BAALC: variants seen among roughly 807,000 people sequenced by gnomAD.
BAALC encodes the protein BAALC binder of MAP3K1 and KLF4.
In BAALC, 9 loss-of-function variants were observed where a neutral mutation model predicts 15.5. The observed-to-expected ratio is 0.58, with a 90% CI of 0.35 to 1.02. BAALC has a LOEUF of 1.02. Among genes scored for constraint, BAALC ranks in the 50% least tolerant of loss-of-function variants. BAALC has a pLI of 0.02. For missense variants in BAALC, 201 were observed against 192.4 expected (o/e 1.04, Z -0.27); for synonymous variants, 80 against 74.6 (o/e 1.07, Z -0.37).
chr8:103,181,461 TG>T (rs34764300), intron 1 of BAALC, among the ~76,000 whole-genome samples: 10,936 of 151,928 alleles, frequency 0.072, 449 homozygotes, highest in Middle Eastern at 0.2. Flanking sequence ...TTAGTAGAGA[TG>T]GGGGTTTCAC....
intron 1 of BAALC, among the ~76,000 whole-genome samples, chr8:103,193,345 C>T (rs529367039): frequency 6.6e-6 from 1 of 152,290 alleles, no homozygotes; most frequent in Non-Finnish European, 1.5e-5. Flanking sequence ...ATTTTAGTTC[C>T]TTTAGGAGTC....
At chr8:103,223,272 C>G (rs1812722457) in intron 2 of BAALC, among the ~76,000 whole-genome samples, 1 of 152,194 alleles carries the variant, frequency 6.6e-6, no homozygotes, top group Admixed American at 6.5e-5. Context: ...TGAGCCACTG[C>G]ACTCCAGCCT....
chr8:103,154,920 CTATA>C (rs56402841), intron 1 of BAALC, among the ~76,000 whole-genome samples: 20 of 129,874 alleles, frequency 1.5e-4, no homozygotes, highest in Non-Finnish European at 1.5e-4. Context: ...CTATCTCAAG[CTATA>C]TATATATATA....
chr8:103,170,116 A>T (rs1178723922), intron 1 of BAALC, among the ~76,000 whole-genome samples: 1 of 151,636 alleles, frequency 6.6e-6, no homozygotes, highest in South Asian at 2.1e-4. Flanking sequence ...TCTTTTTCCT[A>T]TGAGTTTATG....
chr8:103,194,508 G>A (rs924516290), intron 1 of BAALC, among the ~76,000 whole-genome samples: 2 of 152,198 alleles, frequency 1.3e-5, no homozygotes, highest in African/African-American at 4.8e-5. Flanking sequence ...GGAGAGCTGA[G>A]TAAAAGTTAC....
intron 2 of BAALC, among the ~76,000 whole-genome samples, chr8:103,218,585 C>G (rs1287625140): frequency 6.6e-6 from 1 of 152,036 alleles, no homozygotes; most frequent in Non-Finnish European, 1.5e-5. Context: ...AATACCTCCT[C>G]AAGTATTCAG....
At chr8:103,182,885 G>A (rs1010034068) in intron 1 of BAALC, among the ~76,000 whole-genome samples, 1 of 152,182 alleles carries the variant, frequency 6.6e-6, no homozygotes, top group Non-Finnish European at 1.5e-5. Flanking sequence ...AGCACAGGGA[G>A]GCCAGGCTTC....
At chr8:103,206,978 T>C (rs1812345695) in intron 1 of BAALC, among the ~76,000 whole-genome samples, 1 of 152,208 alleles carries the variant, frequency 6.6e-6, no homozygotes, top group African/African-American at 2.4e-5. Flanking sequence ...CTGCCACTGA[T>C]ATTAATATAA....
chr8:103,163,545 G>C (rs987503077), intron 1 of BAALC, among the ~76,000 whole-genome samples: 1 of 152,142 alleles, frequency 6.6e-6, no homozygotes, highest in African/African-American at 2.4e-5. Context: ...AGACTTTGGG[G>C]TTATTTTTGT....
intron 1 of BAALC, among the ~76,000 whole-genome samples, chr8:103,208,912 G>T (rs1316494086): frequency 6.6e-6 from 1 of 152,164 alleles, no homozygotes; most frequent in African/African-American, 2.4e-5. Context: ...CATAGGCATA[G>T]GGAGGATTGG....
chr8:103,150,886 C>A (rs1810971422), intron 1 of BAALC, among the ~76,000 whole-genome samples: 1 of 152,150 alleles, frequency 6.6e-6, no homozygotes, highest in Non-Finnish European at 1.5e-5. Context: ...ACACTTCCTC[C>A]CCAACTAGTG....
intron 1 of BAALC, among the ~76,000 whole-genome samples, chr8:103,203,639 T>C (rs536356679): frequency 6.6e-6 from 1 of 152,180 alleles, no homozygotes; most frequent in South Asian, 2.1e-4. Flanking sequence ...ATCTATAGAA[T>C]TGCCTATTTC....
In BAALC at chr8:103,160,310, G is replaced by T. The variant is rs183937617; in HGVS notation, c.160+19253G>T. 2.1e-3 allele frequency among the ~76,000 whole-genome samples: 314 copies of T among 152,240 alleles called. 1 individual carries two copies. Among genetic ancestry groups the T allele is most frequent in the Middle Eastern group, 0.014 (4 of 294 alleles). On this transcript the variant is annotated intron_variant, in intron 1 of 2. Coordinates refer to ENST00000309982, the MANE Select transcript of BAALC (RefSeq NM_024812.3). ...TAAATATCCCTTAGAGGATTCCATT[G>T]GTTACTTTGGGTATGCCCTATGTAA...
At chr8:103,217,311 T>C (rs1023399136) in intron 2 of BAALC, among the ~76,000 whole-genome samples, 4 of 152,248 alleles carry the variant, frequency 2.6e-5, no homozygotes, top group African/African-American at 9.6e-5. Flanking sequence ...AAAGGTTTTC[T>C]GTCTAAGATG....
At chr8:103,212,782 G>T in intron 1 of BAALC, 137 bp from the exon 2 acceptor site, 1 of 777,182 alleles carries the variant, frequency 1.3e-6, no homozygotes, top group East Asian at 2.7e-5. Context: ...TTATAGAAAA[G>T]GGTAGCTCTG....
intron 1 of BAALC, among the ~76,000 whole-genome samples, chr8:103,205,192 C>T (rs1409116229): frequency 6.6e-6 from 1 of 152,188 alleles, no homozygotes; most frequent in African/African-American, 2.4e-5. Context: ...ACCTGCTCTC[C>T]ACATGGCTTC....
Position 103,141,041 on chromosome 8 carries a change from G to T in BAALC, c.144G>T (p.Ala48=). 3 of 1,502,020 alleles carry T rather than the reference G, an allele frequency of 2.0e-6. No homozygotes were observed. Among genetic ancestry groups the T allele is most frequent in the African/African-American group, 2.9e-5 (2 of 68,516 alleles). The allele number at this position is 1,502,020 out of a possible 1,614,324, so 93.0% of individuals were successfully genotyped here. The stretch of plus-strand genomic sequence containing the variant: ...CCGCCCCGGACAGCGGCCCCGAAGC[G>T]GGCGGCCTGCACTCGGGTAAGTGGC... ...SAAAPDSGPE[A]GGLHSGMLED... is the part of the protein sequence containing the mutation. Residue 48 remains alanine, a synonymous_variant, in exon 1 of 3, where the codon GCG becomes GCT. Coordinates refer to ENST00000309982, the MANE Select transcript of BAALC (RefSeq NM_024812.3).
intron 1 of BAALC, among the ~76,000 whole-genome samples, chr8:103,206,145 C>T (rs1812323856): frequency 6.6e-6 from 1 of 152,176 alleles, no homozygotes; most frequent in African/African-American, 2.4e-5. Flanking sequence ...CCCTTGATAG[C>T]CTCCATGCCT....
rs1812056348 is a variant in BAALC at position 103,194,814 on chromosome 8, T to C, written c.161-18105T>C. On this transcript the variant is annotated intron_variant, in intron 1 of 2. Coordinates refer to ENST00000309982, the MANE Select transcript of BAALC (RefSeq NM_024812.3). ...GGGCAAAAAGGGCACAAATGCTGTG[T>C]CCTCACATGGTGGAAGAGCAAAAAA... Among the ~76,000 whole-genome samples the C allele has an allele frequency of 1.3e-5, 2 of 152,140 alleles. 1 individual carries two copies. The highest frequency in any genetic ancestry group is 1.3e-4 in the Admixed American group (2 of 15,274).
Sources: gnomAD v4.1 joint callset for allele counts (sites outside exome capture counted in the v4.1 genomes callset) on GRCh38, gnomAD v4.1.1 for gene constraint, MANE v1.5 for transcripts, NCBI Gene and HGNC (gene_info 2026-07-23, HGNC 2026-07-21) for gene names.